Variants in LMF1 observed in about 807,000 individuals in gnomAD.
LMF1 encodes the protein transmembrane protein 112.
In LMF1, 68 loss-of-function variants were observed where a neutral mutation model predicts 60.6. The ratio of observed to expected loss-of-function variants is 1.12; its 90% CI spans 0.92 to 1.37. The LOEUF (loss-of-function observed/expected upper bound fraction) is 1.37, where lower values mean the gene tolerates loss of function less well. Ranked by LOEUF, LMF1 falls within the 40% of genes most tolerant of loss-of-function variation. The probability of loss-of-function intolerance (pLI) is 0.00; values close to 1 mark genes in which losing one functional copy is unlikely to be tolerated. For missense variants in LMF1, 948 were observed against 767.2 expected (o/e 1.24, Z -2.78); for synonymous variants, 418 against 324.7 (o/e 1.29, Z -3.09).
intron 3 of LMF1, among the ~76,000 whole-genome samples, chr16:920,687 T>C (rs923696952): frequency 3.9e-5 from 6 of 152,138 alleles, no homozygotes; most frequent in African/African-American, 1.2e-4. Flanking sequence ...CCCCCCCAAA[T>C]ATTGGCAAAA....
intron 2 of LMF1, 143 bp downstream of exon 2, chr16:954,214 T>C: frequency 3.3e-6 from 3 of 905,826 alleles, no homozygotes; most frequent in South Asian, 1.4e-5. Context: ...CGCTCTGCCA[T>C]GGCCTAAGTA....
At chr16:885,613 T>A (rs911613103) in intron 5 of LMF1, among the ~76,000 whole-genome samples, 2 of 152,106 alleles carry the variant, frequency 1.3e-5, no homozygotes, top group Non-Finnish European at 2.9e-5. Context: ...CAAAGCACAA[T>A]TCAGAGCAGA....
chr16:942,435 A>G (rs948279482), intron 2 of LMF1, among the ~76,000 whole-genome samples: 4 of 152,172 alleles, frequency 2.6e-5, no homozygotes, highest in Non-Finnish European at 4.4e-5. Context: ...TATATCATTC[A>G]GCTATTATTT....
chr16:967,345 G>C (rs983950385), intron 1 of LMF1, among the ~76,000 whole-genome samples: 1 of 152,234 alleles, frequency 6.6e-6, no homozygotes, highest in South Asian at 2.1e-4. Flanking sequence ...GCACGACCCT[G>C]GGGGTTCCTG....
chr16:897,393 G>C lies in LMF1; in HGVS notation c.664-4321C>G, dbSNP rs1425388821. ...GTCCCCGAAAGCACCGGCTAACGTG[G>C]TGTTTGAGGAGGGGGCGCCGCCAGG... On this transcript the variant is annotated intron_variant, in intron 4 of 10. Coordinates refer to ENST00000262301, the MANE Select transcript of LMF1 (RefSeq NM_022773.4). The surrounding 1 kb of genome is among the most constrained non-coding windows in gnomAD (Gnocchi z 4.3). Among the ~76,000 whole-genome samples the C allele has an allele frequency of 1.3e-5, 2 of 152,208 alleles. No individual in the cohort carries two copies. The highest frequency in any genetic ancestry group is 2.9e-5 in the Non-Finnish European group (2 of 68,044).
At chr16:866,646 C>T (rs2069617650) in intron 10 of LMF1, among the ~76,000 whole-genome samples, 1 of 152,196 alleles carries the variant, frequency 6.6e-6, no homozygotes, top group African/African-American at 2.4e-5. Flanking sequence ...AGAGTCCAGG[C>T]TCCCTACTCC....
intron 10 of LMF1, among the ~76,000 whole-genome samples, chr16:860,136 T>A (rs1412650330): frequency 1.3e-5 from 2 of 152,124 alleles, no homozygotes; most frequent in Non-Finnish European, 2.9e-5. Flanking sequence ...TATTCCAGAT[T>A]TTAGACTATT....
At chr16:912,828 A>G (rs1296166535) in intron 3 of LMF1, among the ~76,000 whole-genome samples, 1 of 152,210 alleles carries the variant, frequency 6.6e-6, no homozygotes, top group African/African-American at 2.4e-5. Context: ...CGCGGCGTGC[A>G]CAAGGGCTGC....
At chr16:921,567 G>A (rs1339046819) in intron 3 of LMF1, among the ~76,000 whole-genome samples, 3 of 152,220 alleles carry the variant, frequency 2.0e-5, no homozygotes, top group East Asian at 1.9e-4. Context: ...GGGCGGTGAC[G>A]AGTGGGGATG....
chr16:870,555 G>A (rs948969834), intron 8 of LMF1, among the ~76,000 whole-genome samples, 174 bp downstream of exon 8: 14 of 152,218 alleles, frequency 9.2e-5, no homozygotes, highest in Non-Finnish European at 2.1e-4. Flanking sequence ...GGAGGCCTGC[G>A]TGTCCAGGCC....
chr16:980,938 G>T (rs1192368721), intron 1 of LMF1: 1 of 152,056 alleles, frequency 6.6e-6, no homozygotes, highest in Non-Finnish European at 1.5e-5. Context: ...AAGGCCCGGG[G>T]CCCCCGCGTC....
rs1315804529 is a variant in LMF1, at chr16:854,642, C to G, written c.1594G>C (p.Gly532Arg). 2.0e-5 allele frequency: 32 copies of G among 1,606,708 alleles called. No homozygotes were observed. Among genetic ancestry groups the G allele is most frequent in the Non-Finnish European group, 2.6e-5 (31 of 1,178,492 alleles). Residue 532 changes from glycine (G) to arginine (R), a missense_variant, in exon 11 of 11, where the codon GGC becomes CGC. Transcript: ENST00000262301. Reference protein sequence around the residue: ...SRPGGRHAAEGKWWVRKRIGA... With the variant: ...SRPGGRHAAERKWWVRKRIGA... ...ATCCTCTTCCGCACCCACCACTTGC[C>G]CTCGGCGGCGTGCCTGCCCCCAGGA...
intron 2 of LMF1, among the ~76,000 whole-genome samples, chr16:954,030 A>ACC (rs1567312622): frequency 8.6e-6 from 1 of 116,316 alleles, no homozygotes. Flanking sequence ...CACCCACCCC[A>ACC]AACCAGCCTC....
upstream of LMF1, among the ~76,000 whole-genome samples, chr16:975,115 C>T (rs866469718): frequency 2.0e-4 from 31 of 152,108 alleles, no homozygotes; most frequent in African/African-American, 6.8e-4. Context: ...GACTCACAGA[C>T]GGCTGTTCTG....
intron 2 of LMF1, among the ~76,000 whole-genome samples, chr16:935,708 G>T (rs1329596026): frequency 6.6e-6 from 1 of 152,214 alleles, no homozygotes; most frequent in Non-Finnish European, 1.5e-5. Flanking sequence ...TCTCACTAAA[G>T]ACATTAAGGA....
intron 10 of LMF1, among the ~76,000 whole-genome samples, chr16:857,749 G>T: frequency 1.2e-5 from 1 of 81,616 alleles, no homozygotes; most frequent in Non-Finnish European, 2.2e-5. Flanking sequence ...CGGGACGGGT[G>T]TGCAGTGGTG....
At position 853,712 on chromosome 16, in the gene LMF1, G is replaced by A. The variant is rs942272783; in HGVS notation, c.*820C>T. 4.4e-6 allele frequency: 2 copies of A among 454,124 alleles called. No individual in the cohort carries two copies. The highest frequency in any genetic ancestry group is 1.6e-5 in the South Asian group (1 of 64,472). The allele number at this position is 454,124 out of a possible 1,614,324, so 28.1% of individuals were successfully genotyped here. On this transcript the variant is annotated 3_prime_UTR_variant, in exon 11 of 11. Coordinates refer to ENST00000262301, the MANE Select transcript of LMF1 (RefSeq NM_022773.4). ...AGCTATGGCTCAAGAATAGGAATAAGAAAAATGTGCAGTAGACGCTGTTTG... is the reference window on the plus strand; with the variant it reads ...AGCTATGGCTCAAGAATAGGAATAAAAAAAATGTGCAGTAGACGCTGTTTG...
chr16:855,201 CAGGCCGGGACCTGTTTCCTG>C (rs1168879971), intron 10 of LMF1: 4 of 233,658 alleles, frequency 1.7e-5, no homozygotes, highest in Admixed American at 5.1e-5. Flanking sequence ...GTGAGGGAGC[CAGGCCGGGACCTGTTTCCTG>C]AGGGCGGAGC....
intron 5 of LMF1, chr16:886,950 T>TA (rs2070325806): frequency 6.6e-6 from 1 of 150,432 alleles, no homozygotes; most frequent in African/African-American, 2.4e-5. Context: ...ATTCTCTTCT[T>TA]ACAAAAACCA....
Sources: allele counts gnomAD v4.1 joint callset (sites outside exome capture counted in the v4.1 genomes callset), GRCh38; gene constraint gnomAD v4.1.1; non-coding constraint Gnocchi (gnomAD v3.1); transcripts MANE v1.5; gene names NCBI Gene and HGNC (gene_info 2026-07-23, HGNC 2026-07-21).